SHLD2: variants seen among roughly 807,000 people sequenced by gnomAD.
SHLD2 encodes shieldin complex subunit 2, also known as RINN1-REV7-interacting novel NHEJ regulator 2.
SHLD2 carries 30 observed loss-of-function variants against 73.2 expected under a neutral mutation model. The ratio of observed to expected loss-of-function variants is 0.41; its 90% CI spans 0.31 to 0.56. The LOEUF (loss-of-function observed/expected upper bound fraction) is 0.56. Among genes scored for constraint, SHLD2 ranks in the 20% least tolerant of loss-of-function variants. The probability of loss-of-function intolerance (pLI) is 0.28; values close to 1 mark genes in which losing one functional copy is unlikely to be tolerated. For synonymous variants in SHLD2, 285 were observed against 370.1 expected (o/e 0.77, Z 2.64); for missense variants, 745 against 1,055.9 (o/e 0.71, Z 4.08).
At chr10:87,162,360 A>C (rs1394800087) in intron 4 of SHLD2, among the ~76,000 whole-genome samples, 1 of 152,264 alleles carries the variant, frequency 6.6e-6, no homozygotes, top group Non-Finnish European at 1.5e-5. Flanking sequence ...AACATACAAC[A>C]AAAGGCTAAT....
chr10:87,182,098 G>T (rs907247646), intron 8 of SHLD2, among the ~76,000 whole-genome samples: 1 of 152,184 alleles, frequency 6.6e-6, no homozygotes, highest in African/African-American at 2.4e-5. Flanking sequence ...TTAGAGTCCA[G>T]ATTATATGGT....
intron 2 of SHLD2, among the ~76,000 whole-genome samples, chr10:87,141,766 C>T (rs189299069): frequency 2.0e-4 from 31 of 152,252 alleles, no homozygotes; most frequent in African/African-American, 7.5e-4. Flanking sequence ...CACGGTGGCT[C>T]ATGCTGGTAA....
chr10:87,105,196 A>G (rs1188070808), intron 2 of SHLD2, among the ~76,000 whole-genome samples: 2 of 152,250 alleles, frequency 1.3e-5, no homozygotes, highest in East Asian at 1.9e-4. Flanking sequence ...ATCAATTGTA[A>G]TTTCGGTATG....
At chr10:87,136,463 C>T (rs2484789) in intron 2 of SHLD2, among the ~76,000 whole-genome samples, 102,434 of 149,064 alleles carry the variant, frequency 0.69, 35,835 homozygotes, top group East Asian at 0.84. Context: ...GTGCTAGGTG[C>T]ACATGTTGCT....
chr10:87,130,796 C>CTCAGGCCT lies in SHLD2; in HGVS notation c.-5-20554_-5-20553insTCAGGCCT, dbSNP rs1243314411. ...TTAAAAATACCTGATGAGGGCCAGG[C>CTCAGGCCT]GTGGTGGCTCAGGCCTGTAATCCCA... On this transcript the variant is annotated intron_variant, in intron 2 of 9. Transcript: ENST00000298786. Among the ~76,000 whole-genome samples, 5 of 152,126 alleles carry CTCAGGCCT rather than the reference C, an allele frequency of 3.3e-5. No individual in the cohort carries two copies. The South Asian group carries it at 1.0e-3, about 31-fold the overall frequency.
chr10:87,136,785 TA>T (rs1332252775), intron 2 of SHLD2, among the ~76,000 whole-genome samples: 2 of 152,110 alleles, frequency 1.3e-5, no homozygotes, highest in Admixed American at 1.3e-4. Flanking sequence ...CCCACAGTTT[TA>T]AAAATTGGTG....
chr10:87,180,141 C>T lies in SHLD2; in HGVS notation c.2237C>T (p.Ala746Val), dbSNP rs77534648. ...AFPITASQKIALNAHSSLKSI... is the reference protein window; with the variant it reads ...AFPITASQKIVLNAHSSLKSI... ...CCTATTACAGCATCTCAGAAGATAG[C>T]GCTAAATGCTCACAGTTCTCTGAAG... Residue 746 changes from alanine (A) to valine (V), a missense_variant, in exon 8 of 10, where the codon GCG (alanine) becomes GTG (valine). Around this residue, in one of 5 missense-constraint regions of SHLD2, gnomAD observed 418 missense variants for 567.8 expected, o/e 0.74. Coordinates refer to ENST00000298786, the MANE Select transcript of SHLD2 (RefSeq NM_001330112.2). 11,391 of 1,613,840 alleles carry T rather than the reference C, an allele frequency of 7.1e-3. 546 individuals are homozygous for T. The South Asian group carries it at 0.094, about 13-fold the overall frequency.
At chr10:87,119,593 C>G (rs1318323136) in intron 2 of SHLD2, among the ~76,000 whole-genome samples, 1 of 152,084 alleles carries the variant, frequency 6.6e-6, no homozygotes, top group Non-Finnish European at 1.5e-5. Flanking sequence ...AACCCCGTCT[C>G]TACTAAAAAT....
At chr10:87,095,294 G>C (rs1841738825) in intron 1 of SHLD2, 46 bp downstream of exon 1, 2 of 151,824 alleles carry the variant, frequency 1.3e-5, no homozygotes, top group East Asian at 2.0e-4. Context: ...GGGTAGCCCA[G>C]GGAGGTCGGG....
intron 6 of SHLD2, among the ~76,000 whole-genome samples, chr10:87,175,632 C>T (rs1847904904): frequency 6.6e-6 from 1 of 151,780 alleles, no homozygotes; most frequent in Non-Finnish European, 1.5e-5. Context: ...TTCAGTGAGC[C>T]GAGATCACAT....
intron 2 of SHLD2, among the ~76,000 whole-genome samples, chr10:87,120,053 C>T (rs4934299): frequency 0.35 from 53,680 of 151,312 alleles, 10,052 homozygotes; most frequent in African/African-American, 0.46. Context: ...ATTCGAAATG[C>T]CCCCTAGTAA....
At chr10:87,143,742 C>T (rs1845372290) in intron 2 of SHLD2, among the ~76,000 whole-genome samples, 1 of 151,594 alleles carries the variant, frequency 6.6e-6, no homozygotes, top group East Asian at 1.9e-4. Flanking sequence ...TATAGTCTAT[C>T]TCCAACCCTT....
chr10:87,157,213 T>C (rs1262476602), intron 3 of SHLD2, among the ~76,000 whole-genome samples: 1 of 152,236 alleles, frequency 6.6e-6, no homozygotes, highest in Admixed American at 6.5e-5. Flanking sequence ...TAGGCAGTTG[T>C]AGGTAAAAGG....
chr10:87,155,702 G>A (rs1846368836), intron 3 of SHLD2, among the ~76,000 whole-genome samples: 1 of 151,642 alleles, frequency 6.6e-6, no homozygotes, highest in African/African-American at 2.4e-5. Flanking sequence ...CTTTTTCCTA[G>A]GTAGGTGTAA....
Position 87,168,299 on chromosome 10 carries a change from A to G in SHLD2, c.1634-2179A>G, listed in dbSNP as rs533233110. ...ACACCATGGAATTCTACGCAGCCAT[A>G]AAAAGGAATGAAATCAGGATGGTGC... On this transcript the variant is annotated intron_variant, in intron 4 of 9. Transcript: ENST00000298786. Among the ~76,000 whole-genome samples the G allele has an allele frequency of 5.9e-5, 9 of 152,296 alleles. No homozygotes were observed. The East Asian group carries it at 1.7e-3, about 29-fold the overall frequency.
At chr10:87,128,991 C>T (rs1255798633) in intron 2 of SHLD2, among the ~76,000 whole-genome samples, 1 of 152,174 alleles carries the variant, frequency 6.6e-6, no homozygotes, top group Admixed American at 6.5e-5. Context: ...CAACAACCTC[C>T]GCCTCCTGGG....
At chr10:87,102,566 A>C (rs1589421121) in intron 2 of SHLD2, among the ~76,000 whole-genome samples, 1 of 152,092 alleles carries the variant, frequency 6.6e-6, no homozygotes, top group Admixed American at 6.5e-5. Context: ...AAAATGAGCC[A>C]GGTGCAGTGG....
chr10:87,174,672 T>A (rs1847828410), intron 6 of SHLD2, among the ~76,000 whole-genome samples: 1 of 152,136 alleles, frequency 6.6e-6, no homozygotes, highest in Admixed American at 6.6e-5. Flanking sequence ...ACAGCTGATG[T>A]TATCAGAAAA....
intron 3 of SHLD2, among the ~76,000 whole-genome samples, chr10:87,156,592 A>C (rs1282392765): frequency 6.6e-6 from 1 of 152,186 alleles, no homozygotes; most frequent in Admixed American, 6.5e-5. Context: ...GGGGCATGTC[A>C]GTGAGAGGGT....
Sources: allele counts gnomAD v4.1 joint callset (sites outside exome capture counted in the v4.1 genomes callset), GRCh38; gene constraint gnomAD v4.1.1; regional missense constraint gnomAD v4.1.1; transcripts MANE v1.5; gene names NCBI Gene and HGNC (gene_info 2026-07-23, HGNC 2026-07-21).